SLC16A13: variants seen among roughly 807,000 people sequenced by gnomAD.
The protein encoded by SLC16A13 is monocarboxylate transporter 13.
Under a neutral mutation model 28.1 loss-of-function variants are expected in SLC16A13, and 28 were observed. The observed-to-expected ratio is 1.00, with a 90% CI of 0.74 to 1.37. The LOEUF (loss-of-function observed/expected upper bound fraction) is 1.37, where lower values mean the gene tolerates loss of function less well. Ranked by LOEUF, SLC16A13 falls within the 40% of genes most tolerant of loss-of-function variation. The pLI is 0.00. For synonymous variants in SLC16A13, 228 were observed against 241.6 expected (o/e 0.94, Z 0.52); for missense variants, 482 against 531.8 (o/e 0.91, Z 0.92).
At position 7,036,371 on chromosome 17, in the gene SLC16A13, G is replaced by GT. The variant is rs1567731854; in HGVS notation, c.-10dup. 1.9e-6 allele frequency: 3 copies of GT among 1,602,394 alleles called. No individual in the cohort carries two copies. The African/African-American group carries it at 4.0e-5, about 22-fold the overall frequency. On this transcript the variant is annotated 5_prime_UTR_variant, in exon 1 of 4. Coordinates refer to ENST00000308027, the MANE Select transcript of SLC16A13 (RefSeq NM_201566.3). ...AGAGGCTCTGGGTGGCAGCAGCCCT[G>GT]TTACCGCTTAGATGGCGCGCAGGAC...
chr17:7,040,033 C>T lies in SLC16A13; in HGVS notation c.*71C>T. 1.5e-6 allele frequency: 2 copies of T among 1,356,794 alleles called. No individual in the cohort carries two copies. The highest frequency in any genetic ancestry group is 2.1e-6 in the Non-Finnish European group (2 of 969,864). 84.0% of individuals were successfully genotyped at this position (1,356,794 alleles called of 1,614,324 possible). On this transcript the variant is annotated 3_prime_UTR_variant, in exon 4 of 4. Coordinates refer to ENST00000308027, the MANE Select transcript of SLC16A13 (RefSeq NM_201566.3). ...GTCTTCTCTTGCCACGTCTTGGTCT[C>T]CACAGAACCACAGTGCCTTAAGATT...
rs1407193673 is a variant in SLC16A13, at chr17:7,038,384, C to T, written c.576C>T (p.Pro192=). The change falls in exon 3 of 4, where the codon CCC becomes CCT. Residue 192 remains proline, a synonymous_variant. Coordinates refer to ENST00000308027, the MANE Select transcript of SLC16A13 (RefSeq NM_201566.3). The surrounding 1 kb of genome is among the most constrained non-coding windows in gnomAD (Gnocchi z 5.7). ...LVACGALLRP[P]SLAEDPAVGG... ...CCTGTGGTGCTCTCCTCCGCCCACC[C>T]TCCCTGGCTGAGGACCCTGCTGTGG... is the stretch of plus-strand genomic sequence containing the variant. 7.4e-6 allele frequency: 12 copies of T among 1,614,018 alleles called. No individual in the cohort carries two copies. The highest frequency in any genetic ancestry group is 9.3e-6 in the Non-Finnish European group (11 of 1,180,022).
rs750000957 is a variant in SLC16A13 at position 7,038,307 on chromosome 17, G to C, written c.499G>C (p.Ala167Pro). The part of the protein sequence containing the change: ...PFFQWLLSHY[A>P]WRGSLLLVSA... Reference sequence around the variant, plus strand: ...TTTCCAGTGGCTGCTCAGCCACTACGCCTGGAGGGGGTCCCTGCTGCTGGT... The same window carrying C: ...TTTCCAGTGGCTGCTCAGCCACTACCCCTGGAGGGGGTCCCTGCTGCTGGT... Residue 167 changes from alanine (A) to proline (P), a missense_variant, in exon 3 of 4, where the codon GCC becomes CCC. Coordinates refer to ENST00000308027, the MANE Select transcript of SLC16A13 (RefSeq NM_201566.3). This position sits in a 1 kb window ranked among gnomAD's most constrained non-coding sequence, Gnocchi z 5.7. 1 of 1,614,016 alleles carries C rather than the reference G, an allele frequency of 6.2e-7. No homozygotes were observed. Among genetic ancestry groups the C allele is most frequent in the African/African-American group, 1.3e-5 (1 of 75,016 alleles).
Position 7,036,887 on chromosome 17 carries a change from G to C in SLC16A13, c.343+17G>C. ...TGCTGTCAGGTGAGAGCCTGCACAA[G>C]GGCAGGAGAGTCAAATGCTTAGATC... is the stretch of plus-strand genomic sequence containing the variant. On this transcript the variant is annotated intron_variant, in intron 2 of 3. Transcript: ENST00000308027. The C allele has an allele frequency of 6.2e-7, 1 of 1,609,564 alleles. No homozygotes were observed. The highest frequency in any genetic ancestry group is 8.5e-7 in the Non-Finnish European group (1 of 1,179,588).
Position 7,038,360 on chromosome 17 carries a change from C to T in SLC16A13, c.552C>T (p.Ala184=), listed in dbSNP as rs374301039. The T allele has an allele frequency of 1.2e-6, 2 of 1,614,126 alleles. No homozygotes were observed. The highest frequency in any genetic ancestry group is 1.7e-6 in the Non-Finnish European group (2 of 1,180,026). The change falls in exon 3 of 4, where the codon GCC becomes GCT. Residue 184 remains alanine, a synonymous_variant. Transcript: ENST00000308027. The surrounding 1 kb of genome is among the most constrained non-coding windows in gnomAD (Gnocchi z 5.7). ...CTGCCCTCTCCCTCCACCTAGTGGC[C>T]TGTGGTGCTCTCCTCCGCCCACCCT... ...LVSALSLHLV[A]CGALLRPPSL... is the part of the protein sequence containing the mutation.
chr17:7,038,386 C>G lies in SLC16A13; in HGVS notation c.578C>G (p.Ser193Cys), dbSNP rs765020688. Residue 193 changes from serine to cysteine, a missense_variant, in exon 3 of 4, where the codon TCC (serine) becomes TGC (cysteine). Ser to Cys is a moderately radical substitution (Grantham distance 112). Transcript: ENST00000308027. The surrounding 1 kb of genome is among the most constrained non-coding windows in gnomAD (Gnocchi z 5.7). The stretch of plus-strand genomic sequence containing the variant: ...TGTGGTGCTCTCCTCCGCCCACCCT[C>G]CCTGGCTGAGGACCCTGCTGTGGGT... ...VACGALLRPPSLAEDPAVGGP... is the reference protein window; with the variant it reads ...VACGALLRPPCLAEDPAVGGP... The G allele has an allele frequency of 2.5e-6, 4 of 1,614,164 alleles. No individual in the cohort carries two copies. In the East Asian group the frequency reaches 8.9e-5, roughly 36 times the overall value.
Position 7,036,855 on chromosome 17 carries a change from A to G in SLC16A13, c.328A>G (p.Ile110Val), listed in dbSNP as rs1341442242. ...TTCCTTGACCCACCTATACCTGAGTATTGGGTTGCTGTCAGGTGAGAGCCT... is the reference window on the plus strand; with the variant it reads ...TTCCTTGACCCACCTATACCTGAGTGTTGGGTTGCTGTCAGGTGAGAGCCT... ...ATSLTHLYLS[I>V]GLLSGSGWAL... The change falls in exon 2 of 4, where the codon ATT (isoleucine) becomes GTT (valine). Residue 110 changes from isoleucine to valine, a missense_variant. Transcript: ENST00000308027. 4 of 1,613,076 alleles carry G rather than the reference A, an allele frequency of 2.5e-6. No individual in the cohort carries two copies. The highest frequency in any genetic ancestry group is 2.2e-5 in the South Asian group (2 of 91,084).
Position 7,036,410 on chromosome 17 carries a change from G to C in SLC16A13, c.28G>C (p.Gly10Arg), listed in dbSNP as rs1323422254. Residue 10 changes from glycine to arginine, a missense_variant, in exon 1 of 4, where the codon GGG (glycine) becomes CGG (arginine). Physicochemically the swap from Gly to Arg is moderately radical, Grantham distance 125. Transcript: ENST00000308027. ...GGCGCGCAGGACAGAGCCCCCCGAC[G>C]GGGGCTGGGGATGGGTGGTGGTGCT... is the stretch of plus-strand genomic sequence containing the variant. MARRTEPPD[G>R]GWGWVVVLSA... 3.1e-6 allele frequency: 5 copies of C among 1,611,574 alleles called. No individual in the cohort carries two copies. Among genetic ancestry groups the C allele is most frequent in the African/African-American group, 1.3e-5 (1 of 74,750 alleles).
intron 1 of SLC16A13, 45 bp from the exon 2 acceptor site, chr17:7,036,682 G>A (rs971456393): frequency 2.5e-6 from 4 of 1,607,300 alleles, no homozygotes; most frequent in African/African-American, 2.7e-5. Flanking sequence ...ATGCTGGGGG[G>A]GAGACCCCTG....
intron 2 of SLC16A13, 192 bp downstream of exon 2, chr17:7,037,062 T>C: frequency 1.3e-6 from 1 of 749,696 alleles, no homozygotes; most frequent in South Asian, 1.9e-5. Flanking sequence ...TCAAGGATGA[T>C]GAAACCTGGC....
rs555850474 is a variant in SLC16A13 at position 7,039,712 on chromosome 17, G to A, written c.1082-51G>A. The A allele has an allele frequency of 6.3e-7, 1 of 1,596,518 alleles. No homozygotes were observed. Among genetic ancestry groups the A allele is most frequent in the Non-Finnish European group, 8.6e-7 (1 of 1,165,180 alleles). On this transcript the variant is annotated intron_variant, in intron 3 of 3. Transcript: ENST00000308027. This position sits in a 1 kb window ranked among gnomAD's most constrained non-coding sequence, Gnocchi z 4.3. ...ACCCAAAAATGTATCTGAGCCCTCA[G>A]CCCCAGCAAATAGATCACTCATGTG...
In SLC16A13 at chr17:7,039,726, A is replaced by G; in HGVS notation, c.1082-37A>G. 1 of 1,608,472 alleles carries G rather than the reference A, an allele frequency of 6.2e-7. No individual in the cohort carries two copies. Among genetic ancestry groups the G allele is most frequent in the South Asian group, 1.1e-5 (1 of 90,976 alleles). On this transcript the variant is annotated intron_variant, in intron 3 of 3. Coordinates refer to ENST00000308027, the MANE Select transcript of SLC16A13 (RefSeq NM_201566.3). This position sits in a 1 kb window ranked among gnomAD's most constrained non-coding sequence, Gnocchi z 4.3. ...CTGAGCCCTCAGCCCCAGCAAATAGATCACTCATGTGTATTCTTTTTCTCT... is the reference window on the plus strand; with the variant it reads ...CTGAGCCCTCAGCCCCAGCAAATAGGTCACTCATGTGTATTCTTTTTCTCT...
In SLC16A13 at chr17:7,039,984, A is replaced by G. The variant is rs1053159503; in HGVS notation, c.*22A>G. 1.2e-6 allele frequency: 2 copies of G among 1,605,676 alleles called. No individual in the cohort carries two copies. The highest frequency in any genetic ancestry group is 8.5e-7 in the Non-Finnish European group (1 of 1,175,480). ...CTGAACTCCACAGAGTCAGGCCCAG[A>G]AAGCCAAAGCTTGACAGCTCCAGGT... is the stretch of plus-strand genomic sequence containing the variant. On this transcript the variant is annotated 3_prime_UTR_variant, in exon 4 of 4. Coordinates refer to ENST00000308027, the MANE Select transcript of SLC16A13 (RefSeq NM_201566.3). The surrounding 1 kb of genome is among the most constrained non-coding windows in gnomAD (Gnocchi z 4.3).
At position 7,038,610 on chromosome 17, in the gene SLC16A13, G is replaced by A. The variant is rs770661231; in HGVS notation, c.802G>A (p.Val268Ile). 3 of 1,614,154 alleles carry A rather than the reference G, an allele frequency of 1.9e-6. No individual in the cohort carries two copies. The highest frequency in any genetic ancestry group is 2.5e-6 in the Non-Finnish European group (3 of 1,180,036). The change falls in exon 3 of 4, where the codon GTC (valine) becomes ATC (isoleucine). Residue 268 changes from valine to isoleucine, a missense_variant. By Grantham distance (29) the Val-to-Ile change is conservative (BLOSUM62 3). Transcript: ENST00000308027. This position sits in a 1 kb window ranked among gnomAD's most constrained non-coding sequence, Gnocchi z 5.7. Reference protein sequence around the residue: ...VAISDLVGRVVSGWLGDAVPG... With the variant: ...VAISDLVGRVISGWLGDAVPG... ...TATTTCTGACCTCGTGGGGCGTGTG[G>A]TCTCCGGATGGCTGGGAGATGCAGT... is the stretch of plus-strand genomic sequence containing the variant.
At chr17:7,036,906 T>G (rs1167232647) in intron 2 of SLC16A13, 36 bp downstream of exon 2, 1 of 1,602,506 alleles carries the variant, frequency 6.2e-7, no homozygotes, top group Non-Finnish European at 8.5e-7. Context: ...AGTCAAATGC[T>G]TAGATCGTTG....
At position 7,038,175 on chromosome 17, in the gene SLC16A13, G is replaced by C; in HGVS notation, c.367G>C (p.Ala123Pro). 1.9e-6 allele frequency: 3 copies of C among 1,613,274 alleles called. No homozygotes were observed. Among genetic ancestry groups the C allele is most frequent in the Non-Finnish European group, 2.5e-6 (3 of 1,179,706 alleles). The change falls in exon 3 of 4, where the codon GCT (alanine) becomes CCT (proline). Residue 123 changes from alanine to proline, a missense_variant. Coordinates refer to ENST00000308027, the MANE Select transcript of SLC16A13 (RefSeq NM_201566.3). The surrounding 1 kb of genome is among the most constrained non-coding windows in gnomAD (Gnocchi z 5.7). ...LSGSGWALTF[A>P]PTLACLSCYF... ...AGGCTCTGGCTGGGCTTTGACCTTC[G>C]CTCCGACCCTGGCCTGCCTGTCCTG...
chr17:7,039,816 G>C lies in SLC16A13; in HGVS notation c.1135G>C (p.Ala379Pro), dbSNP rs1171707207. Reference sequence around the variant, plus strand: ...CACGGCTTCTTTTGTGGTGGCTGGGGCCTTCCTTCTTTCAGGGAGTGGCAT... The same window carrying C: ...CACGGCTTCTTTTGTGGTGGCTGGGCCCTTCCTTCTTTCAGGGAGTGGCAT... ...NYTASFVVAG[A>P]FLLSGSGILL... Residue 379 changes from alanine (A) to proline (P), a missense_variant, in exon 4 of 4, where the codon GCC becomes CCC. Transcript: ENST00000308027. The surrounding 1 kb of genome is among the most constrained non-coding windows in gnomAD (Gnocchi z 4.3). The C allele has an allele frequency of 3.1e-6, 5 of 1,614,174 alleles. No individual in the cohort carries two copies. The highest frequency in any genetic ancestry group is 1.7e-5 in the Admixed American group (1 of 60,026).
rs1245731412 is a variant in SLC16A13, at chr17:7,039,459, C to CAA, written c.1082-289_1082-288dup. On this transcript the variant is annotated intron_variant, in intron 3 of 3. Transcript: ENST00000308027. This position sits in a 1 kb window ranked among gnomAD's most constrained non-coding sequence, Gnocchi z 4.3. ...TGGGCGACAGAGCGAGACTCCGTCT[C>CAA]AAAAAAAAAAAAAAAAGAAAGGCCA... Among the ~76,000 whole-genome samples, 1,480 of 80,472 alleles carry CAA rather than the reference C, an allele frequency of 0.018. 27 individuals are homozygous for CAA. The highest frequency in any genetic ancestry group is 0.058 in the African/African-American group (1,386 of 24,048). 52.8% of individuals were successfully genotyped at this position (80,472 alleles called of 152,430 possible).
chr17:7,036,731 G>A lies in SLC16A13; in HGVS notation c.204G>A (p.Pro68=). The A allele has an allele frequency of 6.2e-7, 1 of 1,612,578 alleles. No individual in the cohort carries two copies. Among genetic ancestry groups the A allele is most frequent in the Non-Finnish European group, 8.5e-7 (1 of 1,180,002 alleles). The change falls in exon 2 of 4, where the codon CCG becomes CCA. Residue 68 remains proline, a synonymous_variant. Coordinates refer to ENST00000308027, the MANE Select transcript of SLC16A13 (RefSeq NM_201566.3). ...IGIAVQQFGS[P]VGSALSTKFG... is the part of the protein sequence containing the mutation. ...GCGCCCCTTCCACTTCCTCAGGCCC[G>A]GTAGGCAGTGCCCTGAGCACGAAGT...
Sources: allele counts gnomAD v4.1 joint callset (sites outside exome capture counted in the v4.1 genomes callset), GRCh38; gene constraint gnomAD v4.1.1; non-coding constraint Gnocchi (gnomAD v3.1); transcripts MANE v1.5; gene names NCBI Gene and HGNC (gene_info 2026-07-23, HGNC 2026-07-21).